The following MEGF6 variants were observed in gnomAD, a reference collection of about 807,000 sequenced individuals.
MEGF6 encodes the protein multiple EGF like domains 6.
A neutral mutation model predicts 207.1 loss-of-function variants in MEGF6; 184 were observed. The ratio of observed to expected loss-of-function variants is 0.89; its 90% confidence interval spans 0.79 to 1.00. The LOEUF (loss-of-function observed/expected upper bound fraction) is 1.00. Among genes scored for constraint, MEGF6 ranks in the 50% least tolerant of loss-of-function variants. The pLI is 0.00. For synonymous variants in MEGF6, 1,038 were observed against 910.0 expected, an observed-to-expected ratio of 1.14 and a Z score of -2.53; for missense variants, 2,282 against 2,202.9, an observed-to-expected ratio of 1.04 and a Z score of -0.72.
the MEGF6 span, among the ~76,000 whole-genome samples, chr1:3,621,223 T>G: frequency 6.6e-6 from 1 of 152,232 alleles, no homozygotes; most frequent in Non-Finnish European, 1.5e-5. Context: ...CTCCTTTTCC[T>G]GGTCTGCTCA....
chr1:3,540,411 T>C (rs915414696), intron 4 of MEGF6, among the ~76,000 whole-genome samples: 3 of 152,190 alleles, frequency 2.0e-5, no homozygotes, highest in Non-Finnish European at 4.4e-5. Flanking sequence ...GAGGCCCAGA[T>C]TCAGCCACCC....
Position 3,499,243 on chromosome 1 carries a change from G to T in MEGF6, c.2989C>A (p.His997Asn), listed in dbSNP as rs767006714. ...CAGGCACAGGCCTGGCTGCAATTGT[G>T]CCCGTAGGTGTGGGCTGGGCAGGCT... ...AETCPAHTYG[H>N]NCSQACACFN... Residue 997 changes from histidine to asparagine, a missense_variant, in exon 24 of 37, where the codon CAC becomes AAC. Physicochemically the swap from His to Asn is moderately conservative, Grantham distance 68. Coordinates refer to ENST00000356575, the MANE Select transcript of MEGF6 (RefSeq NM_001409.4). 3 of 1,606,058 alleles carry T rather than the reference G, an allele frequency of 1.9e-6. 1 individual carries two copies. In the Admixed American group the frequency reaches 5.1e-5, roughly 27 times the overall value.
chr1:3,596,422 G>A (rs978707857), intron 2 of MEGF6, among the ~76,000 whole-genome samples: 79 of 151,392 alleles, frequency 5.2e-4, no homozygotes, highest in African/African-American at 1.9e-3. Flanking sequence ...CACAAAGCCC[G>A]GCCACCTCAG....
intron 27 of MEGF6, 43 bp downstream of exon 27, chr1:3,497,190 C>T (rs1640646589): frequency 2.6e-6 from 4 of 1,528,236 alleles, no homozygotes; most frequent in African/African-American, 1.4e-5. Flanking sequence ...CTGGATTCCC[C>T]CTGCCCAGCC....
At chr1:3,528,057 C>T (rs528064784) in intron 4 of MEGF6, among the ~76,000 whole-genome samples, 2 of 152,310 alleles carry the variant, frequency 1.3e-5, no homozygotes, top group East Asian at 3.9e-4. Context: ...CCCAGGCTTC[C>T]GGTGCCTGCT....
At position 3,560,625 on chromosome 1, in the gene MEGF6, C is replaced by T. The variant is rs1643171417; in HGVS notation, c.481+19200G>A. ...GAAACGCTCCATAGGCAGGGAAAGG[C>T]TCTGGGGATCCGGGGTCCCTTCCCA... is the stretch of plus-strand genomic sequence containing the variant. On this transcript the variant is annotated intron_variant, in intron 4 of 36. Coordinates refer to ENST00000356575, the MANE Select transcript of MEGF6 (RefSeq NM_001409.4). This position sits in a 1 kb window ranked among gnomAD's most constrained non-coding sequence, Gnocchi z 4.0. 8 of 426,452 alleles carry T rather than the reference C, an allele frequency of 1.9e-5. No homozygotes were observed. Among genetic ancestry groups the T allele is most frequent in the Admixed American group, 1.1e-4 (4 of 35,762 alleles). 26.4% of individuals were successfully genotyped at this position (426,452 alleles called of 1,614,324 possible).
At chr1:3,503,339 G>A (rs1440094062) in intron 17 of MEGF6, among the ~76,000 whole-genome samples, 1 of 152,160 alleles carries the variant, frequency 6.6e-6, no homozygotes, top group Non-Finnish European at 1.5e-5. Flanking sequence ...GGCAGGAACA[G>A]TTTCCAGACC....
intron 6 of MEGF6, 127 bp from the exon 7 acceptor site, chr1:3,514,799 G>T: frequency 8.8e-7 from 1 of 1,142,656 alleles, no homozygotes; most frequent in Non-Finnish European, 1.2e-6. Context: ...CAGGCTGATG[G>T]GCTGGGCAGC....
At chr1:3,587,511 T>C (rs567427866) in intron 3 of MEGF6, among the ~76,000 whole-genome samples, 11 of 152,396 alleles carry the variant, frequency 7.2e-5, no homozygotes, top group African/African-American at 2.4e-4. Flanking sequence ...CTGTGATGTA[T>C]AGTTTGCAAT....
upstream of MEGF6, among the ~76,000 whole-genome samples, chr1:3,614,285 T>A (rs1254385660): frequency 1.3e-5 from 2 of 152,176 alleles, no homozygotes; most frequent in African/African-American, 2.4e-5. Flanking sequence ...AGGGCATGGG[T>A]GTCACTCAGA....
At position 3,488,408 on chromosome 1, in the gene MEGF6, T is replaced by C. The variant is rs1209470961; in HGVS notation, c.*2120A>G. 6.6e-6 allele frequency among the ~76,000 whole-genome samples: 1 copy of C among 152,116 alleles called. No individual in the cohort carries two copies. Among genetic ancestry groups the C allele is most frequent in the Non-Finnish European group, 1.5e-5 (1 of 68,026 alleles). ...CACACCATGCTGAGACTGTCGGGGG[T>C]TCCCATTGGGGAGTAATGGTGATAT... On this transcript the variant is annotated 3_prime_UTR_variant, in exon 37 of 37. Transcript: ENST00000356575.
chr1:3,616,745 A>T, the MEGF6 span, among the ~76,000 whole-genome samples: 3 of 152,222 alleles, frequency 2.0e-5, no homozygotes, highest in East Asian at 5.8e-4. Flanking sequence ...TGAAAAGATC[A>T]ATCTGTGGCA....
chr1:3,507,689 G>C (rs1037363252), intron 14 of MEGF6, 106 bp downstream of exon 14: 1 of 1,460,636 alleles, frequency 6.8e-7, no homozygotes, highest in Non-Finnish European at 9.6e-7. Flanking sequence ...CAGTTTCCCT[G>C]CTCCAGTGGG....
At position 3,573,522 on chromosome 1, in the gene MEGF6, G is replaced by A. The variant is rs533862784; in HGVS notation, c.481+6303C>T. On this transcript the variant is annotated intron_variant, in intron 4 of 36. Transcript: ENST00000356575. This position sits in a 1 kb window ranked among gnomAD's most constrained non-coding sequence, Gnocchi z 5.1. ...AGCTGAGATGCCTCCCCAGGAATCA[G>A]CCCAGGCTGGGGCTGCTGCAGGCTG... Among the ~76,000 whole-genome samples, 4 of 152,222 alleles carry A rather than the reference G, an allele frequency of 2.6e-5. No homozygotes were observed. The highest frequency in any genetic ancestry group is 5.9e-5 in the Non-Finnish European group (4 of 68,038).
rs373119383 is a variant in MEGF6 at position 3,490,968 on chromosome 1, G to A, written c.4517-9C>T. On this transcript the variant is annotated splice_polypyrimidine_tract_variant and intron_variant, in intron 35 of 36. Transcript: ENST00000356575. Reference sequence around the variant, plus strand: ...GAGCCGGAGGGGCCCACCTGGAGGGGAGAGAGAGCAGGCCATGTTAGTACC... The same window carrying A: ...GAGCCGGAGGGGCCCACCTGGAGGGAAGAGAGAGCAGGCCATGTTAGTACC... 378 of 1,594,762 alleles carry A rather than the reference G, an allele frequency of 2.4e-4. No homozygotes were observed. Among genetic ancestry groups the A allele is most frequent in the Non-Finnish European group, 3.0e-4 (357 of 1,173,842 alleles).
chr1:3,584,195 T>C (rs543942508), intron 3 of MEGF6, among the ~76,000 whole-genome samples: 2 of 152,334 alleles, frequency 1.3e-5, no homozygotes, highest in South Asian at 4.1e-4. Flanking sequence ...GTAGCCTCTT[T>C]AATGCCCCCC....
At chr1:3,571,485 CGGCTCCA>C (rs1643491925) in intron 4 of MEGF6, among the ~76,000 whole-genome samples, 2 of 151,534 alleles carry the variant, frequency 1.3e-5, no homozygotes, top group Non-Finnish European at 2.9e-5. Context: ...TGGGTCCTCC[CGGCTCCA>C]AAGGCCAGAG....
intron 17 of MEGF6, among the ~76,000 whole-genome samples, chr1:3,504,006 T>C (rs1025853519): frequency 1.3e-5 from 2 of 152,212 alleles, no homozygotes; most frequent in Admixed American, 6.5e-5. Flanking sequence ...TGGGTGGACG[T>C]TGCTCCCTCT....
chr1:3,587,527 CG>C (rs1224060322), intron 3 of MEGF6, among the ~76,000 whole-genome samples: 1 of 152,236 alleles, frequency 6.6e-6, no homozygotes, highest in Non-Finnish European at 1.5e-5. Context: ...GCAATGTTGA[CG>C]GGCGTGTGGA....
Sources: gnomAD v4.1 joint callset for allele counts (sites outside exome capture counted in the v4.1 genomes callset) on GRCh38, gnomAD v4.1.1 for gene constraint, Gnocchi (gnomAD v3.1) non-coding constraint, MANE v1.5 for transcripts, NCBI Gene and HGNC (gene_info 2026-07-23, HGNC 2026-07-21) for gene names.